CEP112: variants seen among roughly 807,000 people sequenced by gnomAD.
CEP112 encodes the protein centrosomal protein of 112 kDa.
Under a neutral mutation model 153.0 loss-of-function variants are expected in CEP112, and 127 were observed. That is an observed-to-expected ratio of 0.83 (90% CI 0.72 to 0.96). CEP112 has a LOEUF of 0.96. CEP112 is among the 40% of genes least tolerant of loss of function. The probability of loss-of-function intolerance (pLI) is 0.00; values close to 1 mark genes in which losing one functional copy is unlikely to be tolerated. For missense variants in CEP112, 1,089 were observed against 1,101.2 expected (o/e 0.99, Z 0.16); for synonymous variants, 358 against 374.4 (o/e 0.96, Z 0.51).
At chr17:65,909,504 C>T (rs957201093) in intron 19 of CEP112, among the ~76,000 whole-genome samples, 2 of 152,178 alleles carry the variant, frequency 1.3e-5, no homozygotes, top group African/African-American at 4.8e-5. Flanking sequence ...ATCTAAAAAC[C>T]TTCCCTATAA....
intron 6 of CEP112, among the ~76,000 whole-genome samples, chr17:66,109,551 T>G (rs373500280): frequency 1.3e-5 from 2 of 152,202 alleles, no homozygotes; most frequent in East Asian, 3.9e-4. Context: ...TCTAATATAC[T>G]GCATAATTCC....
At chr17:65,948,860 C>T (rs1195777202) in intron 18 of CEP112, among the ~76,000 whole-genome samples, 1 of 152,098 alleles carries the variant, frequency 6.6e-6, no homozygotes, top group East Asian at 1.9e-4. Flanking sequence ...AAACTCAAAG[C>T]TTTTATTTTT....
chr17:66,190,396 CAA>C (rs949229895), intron 1 of CEP112, among the ~76,000 whole-genome samples: 1 of 151,848 alleles, frequency 6.6e-6, no homozygotes, highest in African/African-American at 2.4e-5. Flanking sequence ...TCCAACTTAT[CAA>C]AAGTTTCATA....
intron 25 of CEP112, among the ~76,000 whole-genome samples, chr17:65,638,442 T>C (rs1010348611): frequency 6.6e-6 from 1 of 152,216 alleles, no homozygotes; most frequent in African/African-American, 2.4e-5. Flanking sequence ...AACATAGTTA[T>C]GCAAGGGAGT....
chr17:65,999,333 C>G (rs1002914620), intron 17 of CEP112, among the ~76,000 whole-genome samples: 6 of 151,634 alleles, frequency 4.0e-5, no homozygotes, highest in Non-Finnish European at 5.9e-5. Context: ...TCCTGAGTAG[C>G]TGGGACTATA....
intron 2 of CEP112, among the ~76,000 whole-genome samples, chr17:66,179,053 G>A (rs1019210048): frequency 7.9e-5 from 12 of 152,124 alleles, no homozygotes; most frequent in Admixed American, 2.6e-4. Context: ...AGGTCCATGT[G>A]ATTGTTTTTA....
At chr17:65,756,840 A>T (rs2052314500) in intron 21 of CEP112, among the ~76,000 whole-genome samples, 1 of 152,156 alleles carries the variant, frequency 6.6e-6, no homozygotes. Flanking sequence ...ATGATGCCAG[A>T]GCTTTCCTAG....
At chr17:66,149,681 A>G (rs1399031866) in intron 4 of CEP112, among the ~76,000 whole-genome samples, 1 of 151,756 alleles carries the variant, frequency 6.6e-6, no homozygotes, top group East Asian at 1.9e-4. Context: ...ATTTTAGTTA[A>G]TGAGTCTTGT....
At chr17:66,093,335 G>A (rs1174101570) in intron 8 of CEP112, among the ~76,000 whole-genome samples, 2 of 151,936 alleles carry the variant, frequency 1.3e-5, no homozygotes, top group Non-Finnish European at 2.9e-5. Flanking sequence ...GAGCATGACT[G>A]TCTCCTAAAT....
intron 12 of CEP112, among the ~76,000 whole-genome samples, chr17:66,030,281 T>G (rs1161056792): frequency 6.6e-6 from 1 of 152,200 alleles, no homozygotes; most frequent in Non-Finnish European, 1.5e-5. Flanking sequence ...CTGAGGCTGG[T>G]AATATTCAAG....
chr17:65,982,733 T>C (rs1443306), intron 17 of CEP112, among the ~76,000 whole-genome samples: 78,930 of 152,000 alleles, frequency 0.52, 21,483 homozygotes, highest in African/African-American at 0.6. Flanking sequence ...TAATTGAAAA[T>C]AGGTACTCAA....
intron 21 of CEP112, among the ~76,000 whole-genome samples, chr17:65,772,073 T>G (rs1235003490): frequency 6.6e-6 from 1 of 152,042 alleles, no homozygotes; most frequent in Admixed American, 6.6e-5. Flanking sequence ...TGAATGAAAA[T>G]GGAAGCATAT....
chr17:66,066,944 C>A, intron 9 of CEP112, 67 bp from the exon 10 acceptor site: 1 of 971,918 alleles, frequency 1.0e-6, no homozygotes. Context: ...TTTTTGAATC[C>A]TGATATATTT....
At chr17:66,139,231 C>T (rs1023166228) in intron 4 of CEP112, among the ~76,000 whole-genome samples, 2 of 151,968 alleles carry the variant, frequency 1.3e-5, no homozygotes, top group Non-Finnish European at 2.9e-5. Flanking sequence ...TTTGGCTACA[C>T]AGAATAAGAA....
At chr17:65,794,767 G>A (rs1379020615) in intron 21 of CEP112, among the ~76,000 whole-genome samples, 1 of 152,126 alleles carries the variant, frequency 6.6e-6, no homozygotes, top group African/African-American at 2.4e-5. Flanking sequence ...ACCCAGTCAG[G>A]AATCGCACCT....
At chr17:66,068,491 G>C (rs774034751) in intron 9 of CEP112, among the ~76,000 whole-genome samples, 2 of 152,112 alleles carry the variant, frequency 1.3e-5, no homozygotes, top group Non-Finnish European at 2.9e-5. Flanking sequence ...AAAAGAAAAA[G>C]AATGTATACT....
chr17:65,786,748 G>A (rs185571145), intron 21 of CEP112, among the ~76,000 whole-genome samples: 128 of 151,724 alleles, frequency 8.4e-4, no homozygotes, highest in Admixed American at 1.8e-3. Context: ...CACCACACCC[G>A]ACGACCTTTT....
chr17:65,661,691 C>G (rs148369301), intron 24 of CEP112: 2 of 152,162 alleles, frequency 1.3e-5, no homozygotes, highest in African/African-American at 4.8e-5. Context: ...AGTTTGAGAC[C>G]ATTACATGGA....
rs143368088 is a variant in CEP112 at position 65,954,667 on chromosome 17, AC to A, written c.1872+6795del. 1.3e-3 allele frequency among the ~76,000 whole-genome samples: 193 copies of A among 152,258 alleles called. 2 individuals carry two copies. The highest frequency in any genetic ancestry group is 4.4e-3 in the African/African-American group (183 of 41,566). ...GTGAAATAGACAGCATATATAAAAA[AC>A]AATCATAATGTCTGGAAATCAAGGA... is the stretch of plus-strand genomic sequence containing the variant. On this transcript the variant is annotated intron_variant, in intron 18 of 26. Coordinates refer to ENST00000535342, the MANE Select transcript of CEP112 (RefSeq NM_001199165.4).
Sources: allele counts gnomAD v4.1 joint callset (sites outside exome capture counted in the v4.1 genomes callset), GRCh38; gene constraint gnomAD v4.1.1; transcripts MANE v1.5; gene names NCBI Gene and HGNC (gene_info 2026-07-23, HGNC 2026-07-21).